Variants in RBFOX1 observed in about 807,000 individuals in gnomAD.
RBFOX1 encodes the protein RNA binding protein fox-1 homolog 1.
In RBFOX1, 8 loss-of-function variants were observed where a neutral mutation model predicts 57.7. The ratio of observed to expected loss-of-function variants is 0.14; its 90% CI spans 0.08 to 0.25. The LOEUF is 0.25. RBFOX1 is among the 10% of genes least tolerant of loss of function. The probability of loss-of-function intolerance (pLI) is 1.00; values close to 1 mark genes in which losing one functional copy is unlikely to be tolerated. For missense variants in RBFOX1, 611 were observed against 548.5 expected (o/e 1.11, Z -1.14); for synonymous variants, 326 against 222.4 (o/e 1.47, Z -4.15).
intron 4 of RBFOX1, among the ~76,000 whole-genome samples, chr16:5,873,963 G>A (rs1036397229): frequency 6.6e-6 from 1 of 152,190 alleles, no homozygotes; most frequent in Admixed American, 6.5e-5. Context: ...TAAGTGAAAA[G>A]TAAGTGTGGA....
At chr16:5,973,602 G>T (rs1439171951) in intron 4 of RBFOX1, among the ~76,000 whole-genome samples, 2 of 152,206 alleles carry the variant, frequency 1.3e-5, no homozygotes, top group Non-Finnish European at 2.9e-5. Context: ...AGGTTGACTA[G>T]GCCATGGGGT....
chr16:7,280,224 C>T (rs1042219792), intron 4 of RBFOX1, among the ~76,000 whole-genome samples: 1 of 152,202 alleles, frequency 6.6e-6, no homozygotes, highest in Non-Finnish European at 1.5e-5. Context: ...TCAGCCTTGC[C>T]TTCATTGCAA....
chr16:5,774,369 A>G (rs1257949041), intron 3 of RBFOX1, among the ~76,000 whole-genome samples: 3 of 152,194 alleles, frequency 2.0e-5, no homozygotes, highest in Non-Finnish European at 2.9e-5. Flanking sequence ...TCTTATGGTG[A>G]TAGGAGTTGC....
At chr16:5,864,493 A>G (rs191706483) in intron 3 of RBFOX1, among the ~76,000 whole-genome samples, 1 of 149,260 alleles carries the variant, frequency 6.7e-6, no homozygotes, top group East Asian at 2.0e-4. Flanking sequence ...TTTTTCACAT[A>G]TGCATCTATT....
intron 3 of RBFOX1, among the ~76,000 whole-genome samples, chr16:7,019,077 AGTGTGTGTATGTCT>A (rs1049687819): frequency 6.6e-6 from 1 of 151,950 alleles, no homozygotes; most frequent in African/African-American, 2.4e-5. Flanking sequence ...TGTGTGTGTG[AGTGTGTGTATGTCT>A]GTGTGTGTAT....
At chr16:5,906,072 C>T (rs1202056261) in intron 4 of RBFOX1, among the ~76,000 whole-genome samples, 1 of 152,060 alleles carries the variant, frequency 6.6e-6, no homozygotes, top group African/African-American at 2.4e-5. Flanking sequence ...CCCATGTGCC[C>T]TGCTTGTTAT....
chr16:6,788,095 G>C (rs1398728936), intron 3 of RBFOX1, among the ~76,000 whole-genome samples: 1 of 152,120 alleles, frequency 6.6e-6, no homozygotes, highest in Non-Finnish European at 1.5e-5. Context: ...GGTGGCGCAT[G>C]CCTGTAATCC....
rs58126590 is a variant in RBFOX1 at position 6,962,924 on chromosome 16, C to T, written c.-15-89133C>T. On this transcript the variant is annotated intron_variant, in intron 3 of 15. Transcript: ENST00000550418. ...CTTGGGATGGGGTGATTTGGGTGGG[C>T]TGGGGTGGGGTTGTTGGATCTTGCT... 7.9e-3 allele frequency among the ~76,000 whole-genome samples: 855 copies of T among 108,742 alleles called. 2 individuals are homozygous for T. The highest frequency in any genetic ancestry group is 0.027 in the African/African-American group (791 of 28,788). The allele number at this position is 108,742 out of a possible 152,430, so 71.3% of individuals were successfully genotyped here. A position where few individuals can be genotyped will look rare whatever the true frequency, so the allele number is the denominator to read the frequency against.
intron 5 of RBFOX1, among the ~76,000 whole-genome samples, chr16:7,541,878 C>A (rs1019242000): frequency 6.6e-6 from 1 of 152,164 alleles, no homozygotes; most frequent in African/African-American, 2.4e-5. Context: ...ATCTCCCAGG[C>A]CATTCACAAG....
In RBFOX1 at chr16:5,870,342, G is replaced by A. The variant is rs559248849; in HGVS notation, c.351+3007G>A. ...ACTGATAGAGCTCTACAATGAAAAC[G>A]TGTGCATCTTACAGGTTGTAATTTG... On this transcript the variant is annotated intron_variant, in intron 4 of 19. Transcript: ENST00000641259. 6.3e-4 allele frequency among the ~76,000 whole-genome samples: 90 copies of A among 143,870 alleles called. 1 individual carries two copies. Among genetic ancestry groups the A allele is most frequent in the African/African-American group, 1.7e-3 (65 of 38,384 alleles). 94.4% of individuals were successfully genotyped at this position (143,870 alleles called of 152,430 possible).
chr16:6,765,666 AG>A (rs1373885762), intron 3 of RBFOX1, among the ~76,000 whole-genome samples: 33 of 152,322 alleles, frequency 2.2e-4, no homozygotes, highest in African/African-American at 7.9e-4. Context: ...CTCTACCCAG[AG>A]GAAAGATGCC....
chr16:7,052,666 G>C (rs2050514541), intron 4 of RBFOX1, among the ~76,000 whole-genome samples: 1 of 152,142 alleles, frequency 6.6e-6, no homozygotes, highest in South Asian at 2.1e-4. Flanking sequence ...AGGCATATCG[G>C]TGTAAGAAGT....
At chr16:6,642,545 A>G (rs1360242037) in intron 2 of RBFOX1, among the ~76,000 whole-genome samples, 2 of 151,920 alleles carry the variant, frequency 1.3e-5, no homozygotes, top group African/African-American at 4.8e-5. Flanking sequence ...GCTTGTCTGC[A>G]TGGCTAGATT....
chr16:6,826,292 C>T (rs1483198228), intron 3 of RBFOX1, among the ~76,000 whole-genome samples: 1 of 152,118 alleles, frequency 6.6e-6, no homozygotes, highest in Non-Finnish European at 1.5e-5. Flanking sequence ...GCGAGAAAAT[C>T]GTTTGAGTCC....
At chr16:6,978,783 G>A (rs1177636465) in intron 3 of RBFOX1, among the ~76,000 whole-genome samples, 3 of 152,234 alleles carry the variant, frequency 2.0e-5, no homozygotes, top group Non-Finnish European at 2.9e-5. Context: ...TGATTCTGGA[G>A]TTCATGCTCT....
chr16:7,440,991 A>G (rs2098761589), intron 4 of RBFOX1, among the ~76,000 whole-genome samples: 1 of 152,152 alleles, frequency 6.6e-6, no homozygotes, highest in Non-Finnish European at 1.5e-5. Context: ...GCGCTGAGCT[A>G]GGATCATGCC....
intron 3 of RBFOX1, among the ~76,000 whole-genome samples, chr16:5,728,092 T>A (rs1438880709): frequency 2.6e-4 from 39 of 152,226 alleles, no homozygotes. Flanking sequence ...GATCCAGCAA[T>A]CCCACTTACG....
At chr16:6,257,609 G>GT (rs2097676379) in intron 1 of RBFOX1, among the ~76,000 whole-genome samples, 1 of 152,004 alleles carries the variant, frequency 6.6e-6, no homozygotes, top group Admixed American at 6.6e-5. Flanking sequence ...ACTGTCTGTT[G>GT]TTCCCTTCTA....
At chr16:7,015,252 G>A (rs1364129585) in intron 3 of RBFOX1, among the ~76,000 whole-genome samples, 1 of 152,130 alleles carries the variant, frequency 6.6e-6, no homozygotes, top group African/African-American at 2.4e-5. Context: ...CTGAGGCTAT[G>A]GGTGAGCATA....
Sources: gnomAD v4.1 joint callset for allele counts (sites outside exome capture counted in the v4.1 genomes callset) on GRCh38, gnomAD v4.1.1 for gene constraint, MANE v1.5 for transcripts, NCBI Gene and HGNC (gene_info 2026-07-23, HGNC 2026-07-21) for gene names.